The following FILIP1 variants were observed in gnomAD, a reference collection of about 807,000 sequenced individuals.
FILIP1 encodes the protein filamin A interacting protein 1.
A neutral mutation model predicts 102.1 loss-of-function variants in FILIP1; 61 were observed. That is an observed-to-expected ratio of 0.60 (90% CI 0.49 to 0.74). FILIP1 has a LOEUF of 0.74. Ranked by LOEUF, FILIP1 falls within the 30% of genes least tolerant of loss-of-function variation. The pLI is 0.00. For synonymous variants in FILIP1, 491 were observed against 526.9 expected (o/e 0.93, Z 0.93); for missense variants, 1,314 against 1,441.2 (o/e 0.91, Z 1.43).
intron 1 of FILIP1, among the ~76,000 whole-genome samples, chr6:75,480,203 A>G (rs2149777054): frequency 6.8e-6 from 1 of 147,868 alleles, no homozygotes; most frequent in African/African-American, 2.5e-5. Context: ...AGTTATTTCA[A>G]CCCTATTGAT....
intron 2 of FILIP1, among the ~76,000 whole-genome samples, chr6:75,390,848 T>C (rs1028682475): frequency 1.4e-4 from 21 of 152,240 alleles, no homozygotes; most frequent in African/African-American, 3.6e-4. Context: ...GCTGTTATTC[T>C]CTCTAATACT....
At chr6:75,465,738 G>A (rs1301989150) in intron 1 of FILIP1, among the ~76,000 whole-genome samples, 3 of 152,050 alleles carry the variant, frequency 2.0e-5, no homozygotes, top group African/African-American at 7.2e-5. Context: ...ACTAATTTTT[G>A]TCCACTTGAA....
intron 1 of FILIP1, among the ~76,000 whole-genome samples, chr6:75,483,098 T>C (rs1779689385): frequency 6.6e-6 from 1 of 152,226 alleles, no homozygotes; most frequent in Admixed American, 6.5e-5. Context: ...TTCATTTTAC[T>C]GGACAACACA....
intron 2 of FILIP1, among the ~76,000 whole-genome samples, chr6:75,404,454 T>A (rs908886548): frequency 5.3e-5 from 8 of 152,160 alleles, no homozygotes; most frequent in African/African-American, 1.9e-4. Context: ...CAACCCTAGA[T>A]CCAGTGCTAT....
At chr6:75,467,112 C>A (rs1779191895) in intron 1 of FILIP1, among the ~76,000 whole-genome samples, 1 of 152,138 alleles carries the variant, frequency 6.6e-6, no homozygotes, top group Non-Finnish European at 1.5e-5. Context: ...ATCATCTTGA[C>A]CAATTTGTAA....
At chr6:75,385,793 G>C (rs1469579746) in intron 2 of FILIP1, 1 of 151,418 alleles carries the variant, frequency 6.6e-6, no homozygotes, top group Non-Finnish European at 1.5e-5. Flanking sequence ...GGAGCACTCT[G>C]GTTAAGCATG....
At chr6:75,349,600 A>G (rs1045535277) in intron 4 of FILIP1, among the ~76,000 whole-genome samples, 1 of 152,234 alleles carries the variant, frequency 6.6e-6, no homozygotes, top group African/African-American at 2.4e-5. Flanking sequence ...AAGGGAGTGC[A>G]AAACAAAAAG....
intron 4 of FILIP1, chr6:75,319,184 C>T (rs556876076): frequency 1.4e-6 from 1 of 734,490 alleles, no homozygotes; most frequent in Non-Finnish European, 2.5e-6. Flanking sequence ...GCTTGATATG[C>T]AGCAATATCC....
intron 2 of FILIP1, among the ~76,000 whole-genome samples, chr6:75,382,904 C>T (rs1439327164): frequency 6.6e-6 from 1 of 152,112 alleles, no homozygotes; most frequent in Non-Finnish European, 1.5e-5. Flanking sequence ...TTATCAGCCA[C>T]AAAAGCCTAA....
At chr6:75,388,990 T>A (rs140198270) in intron 2 of FILIP1, among the ~76,000 whole-genome samples, 1 of 152,224 alleles carries the variant, frequency 6.6e-6, no homozygotes, top group Non-Finnish European at 1.5e-5. Context: ...CCATTCAGTA[T>A]GATATTTGCT....
chr6:75,380,714 A>G (rs1180170695), intron 2 of FILIP1, among the ~76,000 whole-genome samples: 1 of 152,190 alleles, frequency 6.6e-6, no homozygotes, highest in African/African-American at 2.4e-5. Flanking sequence ...TGAGTAAAAT[A>G]CAGTACACCC....
intron 1 of FILIP1, among the ~76,000 whole-genome samples, chr6:75,464,949 C>G (rs1473096300): frequency 6.6e-6 from 1 of 152,198 alleles, no homozygotes; most frequent in Non-Finnish European, 1.5e-5. Context: ...AATATGACCA[C>G]TTTTCACTAT....
At chr6:75,382,692 G>A (rs183704425) in intron 2 of FILIP1, among the ~76,000 whole-genome samples, 45 of 152,270 alleles carry the variant, frequency 3.0e-4, no homozygotes, top group South Asian at 2.1e-4. Flanking sequence ...GAAGACCTTC[G>A]GTTCAATGGG....
At chr6:75,362,624 T>C in intron 3 of FILIP1, 120 bp downstream of exon 3, 2 of 794,064 alleles carry the variant, frequency 2.5e-6, no homozygotes, top group Non-Finnish European at 4.0e-6. Context: ...TTTAATTGTA[T>C]ATTAGTGTAT....
chr6:75,324,761 T>G (rs1393292979), intron 4 of FILIP1, among the ~76,000 whole-genome samples: 2 of 152,166 alleles, frequency 1.3e-5, no homozygotes, highest in African/African-American at 4.8e-5. Flanking sequence ...TGGAACAGAA[T>G]AGAGAACCTG....
intron 1 of FILIP1, among the ~76,000 whole-genome samples, chr6:75,419,623 CCTGA>C (rs1454712621): frequency 6.6e-6 from 1 of 152,144 alleles, no homozygotes; most frequent in Non-Finnish European, 1.5e-5. Flanking sequence ...ACAGAACTGT[CCTGA>C]CTCTTTCTCT....
intron 5 of FILIP1, 126 bp from the exon 6 acceptor site, chr6:75,309,023 T>C (rs867814037): frequency 6.2e-6 from 6 of 966,484 alleles, no homozygotes; most frequent in Middle Eastern, 2.8e-4. Flanking sequence ...CTTCCCCAGA[T>C]AAAATAATTG....
intron 4 of FILIP1, among the ~76,000 whole-genome samples, chr6:75,325,351 G>C (rs1773805394): frequency 6.6e-6 from 1 of 152,188 alleles, no homozygotes; most frequent in Non-Finnish European, 1.5e-5. Context: ...GAATCTGGGA[G>C]GTGGAGGCTG....
At chr6:75,330,937 G>C (rs1255262140) in intron 4 of FILIP1, among the ~76,000 whole-genome samples, 1 of 152,160 alleles carries the variant, frequency 6.6e-6, no homozygotes, top group Non-Finnish European at 1.5e-5. Context: ...TGATTGTGAA[G>C]TTTAATCCGT....
Sources: gnomAD v4.1 joint callset for allele counts (sites outside exome capture counted in the v4.1 genomes callset) on GRCh38, gnomAD v4.1.1 for gene constraint, MANE v1.5 for transcripts, NCBI Gene and HGNC (gene_info 2026-07-23, HGNC 2026-07-21) for gene names.